GRIK2: variants seen among roughly 807,000 people sequenced by gnomAD.
GRIK2 encodes glutamate ionotropic receptor kainate type subunit 2.
A neutral mutation model predicts 100.3 loss-of-function variants in GRIK2; 32 were observed. The observed-to-expected ratio is 0.32, with a 90% CI of 0.24 to 0.43. The LOEUF (loss-of-function observed/expected upper bound fraction) is 0.43. Among genes scored for constraint, GRIK2 ranks in the 20% least tolerant of loss-of-function variants. The pLI, the probability that GRIK2 is intolerant of heterozygous loss-of-function variation, is 1.00. For missense variants in GRIK2, 843 were observed against 1,114.9 expected (o/e 0.76, Z 3.47); for synonymous variants, 417 against 389.4 (o/e 1.07, Z -0.83).
At chr6:101,629,138 T>C (rs1338049864) in intron 4 of GRIK2, among the ~76,000 whole-genome samples, 1 of 152,008 alleles carries the variant, frequency 6.6e-6, no homozygotes, top group Non-Finnish European at 1.5e-5. Context: ...TTTAATGGAG[T>C]CCTGACCTCA....
intron 4 of GRIK2, among the ~76,000 whole-genome samples, chr6:101,672,891 G>A (rs1770548417): frequency 6.6e-6 from 1 of 152,116 alleles, no homozygotes; most frequent in African/African-American, 2.4e-5. Flanking sequence ...ACATACACAT[G>A]CATGTTTTTT....
At chr6:101,932,393 CTCTT>C (rs1182619273) in intron 14 of GRIK2, among the ~76,000 whole-genome samples, 1 of 151,868 alleles carries the variant, frequency 6.6e-6, no homozygotes, top group African/African-American at 2.4e-5. Context: ...ACCTTTACAT[CTCTT>C]TCTCTAATGC....
intron 2 of GRIK2, among the ~76,000 whole-genome samples, chr6:101,504,685 CTGTT>C (rs1388150023): frequency 6.6e-6 from 1 of 151,962 alleles, no homozygotes; most frequent in Non-Finnish European, 1.5e-5. Context: ...ATAAAATACT[CTGTT>C]TATTATATGT....
At chr6:101,858,386 C>CTTTTTTTTTTTTT (rs780526806) in intron 10 of GRIK2, among the ~76,000 whole-genome samples, 29 of 91,658 alleles carry the variant, frequency 3.2e-4, no homozygotes, top group Non-Finnish European at 5.0e-4. Flanking sequence ...ATTTTTTTTT[C>CTTTTTTTTTTTTT]TTTTTTTTTT....
chr6:101,862,985 T>C (rs186650122), intron 11 of GRIK2, among the ~76,000 whole-genome samples: 187 of 152,322 alleles, frequency 1.2e-3, no homozygotes, highest in Non-Finnish European at 2.2e-3. Context: ...TTTTGAAAGT[T>C]ATCAAACTGA....
At chr6:101,471,421 A>G (rs1210603897) in intron 2 of GRIK2, among the ~76,000 whole-genome samples, 2 of 152,082 alleles carry the variant, frequency 1.3e-5, no homozygotes, top group Non-Finnish European at 2.9e-5. Context: ...ATTGGTGTCT[A>G]TAACTTTCAT....
At chr6:101,711,108 TG>T (rs1660224593) in intron 7 of GRIK2, among the ~76,000 whole-genome samples, 1 of 151,832 alleles carries the variant, frequency 6.6e-6, no homozygotes, top group African/African-American at 2.4e-5. Context: ...TTTTCTGTGT[TG>T]GCTTTTGTTA....
At chr6:101,935,326 T>G (rs1002142833) in intron 14 of GRIK2, among the ~76,000 whole-genome samples, 1 of 151,944 alleles carries the variant, frequency 6.6e-6, no homozygotes, top group Non-Finnish European at 1.5e-5. Context: ...TATTTTGAGT[T>G]GAATAGGGAG....
chr6:102,037,897 T>G (rs1333764139), intron 15 of GRIK2, among the ~76,000 whole-genome samples: 1 of 151,334 alleles, frequency 6.6e-6, no homozygotes, highest in Non-Finnish European at 1.5e-5. Context: ...ATGCACAACT[T>G]CTTTGATAAT....
chr6:101,742,100 G>A (rs1417752826), intron 7 of GRIK2, among the ~76,000 whole-genome samples: 1 of 152,206 alleles, frequency 6.6e-6, no homozygotes, highest in Admixed American at 6.5e-5. Flanking sequence ...TTCTGCTTAA[G>A]AAGATTATCA....
chr6:101,917,135 AG>A (rs2128467706), intron 12 of GRIK2, among the ~76,000 whole-genome samples: 1 of 151,718 alleles, frequency 6.6e-6, no homozygotes, highest in Non-Finnish European at 1.5e-5. Flanking sequence ...GGCCCTTCTC[AG>A]GCCATTTATG....
chr6:101,890,926 A>G (rs545124319), intron 12 of GRIK2, among the ~76,000 whole-genome samples: 1 of 151,348 alleles, frequency 6.6e-6, no homozygotes, highest in Admixed American at 6.6e-5. Flanking sequence ...AAAATCAATT[A>G]GAATTCTACA....
At chr6:101,932,083 A>G (rs1244030074) in intron 14 of GRIK2, among the ~76,000 whole-genome samples, 2 of 151,952 alleles carry the variant, frequency 1.3e-5, no homozygotes, top group Non-Finnish European at 2.9e-5. Flanking sequence ...GCTTTTTTTG[A>G]GAATGCTTGT....
At chr6:101,512,684 A>G (rs1774380164) in intron 2 of GRIK2, among the ~76,000 whole-genome samples, 2 of 152,026 alleles carry the variant, frequency 1.3e-5, no homozygotes, top group Non-Finnish European at 2.9e-5. Context: ...TTTTTCAATC[A>G]ACAACTTTTT....
chr6:102,034,293 T>G (rs1320385803), intron 14 of GRIK2, among the ~76,000 whole-genome samples: 1 of 151,384 alleles, frequency 6.6e-6, no homozygotes, highest in East Asian at 1.9e-4. Context: ...GGGCCTGCCT[T>G]GTAGTGGAAG....
chr6:101,704,637 A>G (rs897324791), intron 7 of GRIK2, among the ~76,000 whole-genome samples: 1 of 151,600 alleles, frequency 6.6e-6, no homozygotes, highest in African/African-American at 2.4e-5. Context: ...TTTGTGGGCT[A>G]GTCTTTTTTC....
At chr6:101,648,908 A>C (rs957211356) in intron 4 of GRIK2, among the ~76,000 whole-genome samples, 1 of 152,082 alleles carries the variant, frequency 6.6e-6, no homozygotes, top group Non-Finnish European at 1.5e-5. Context: ...CATGTCTTAC[A>C]TGGTGGCAGG....
intron 2 of GRIK2, 39 bp from the exon 3 acceptor site, chr6:101,621,910 T>A (rs757658280): frequency 5.7e-6 from 8 of 1,408,356 alleles, no homozygotes; most frequent in Non-Finnish European, 7.0e-6. Flanking sequence ...TTATGTTTAT[T>A]CTTGTAAAAT....
chr6:101,555,208 G>C (rs570256014), intron 2 of GRIK2, among the ~76,000 whole-genome samples: 1 of 152,304 alleles, frequency 6.6e-6, no homozygotes, highest in South Asian at 2.1e-4. Flanking sequence ...TGCCTCAAAA[G>C]AAAAGTCCTG....
Sources: gnomAD v4.1 joint callset for allele counts (sites outside exome capture counted in the v4.1 genomes callset) on GRCh38, gnomAD v4.1.1 for gene constraint, MANE v1.5 for transcripts, NCBI Gene and HGNC (gene_info 2026-07-23, HGNC 2026-07-21) for gene names.